NFAT5: variants seen among roughly 807,000 people sequenced by gnomAD.
NFAT5 encodes the protein nuclear factor of activated T cells 5, also known as nuclear factor of activated T-cells 5.
NFAT5 carries 31 observed loss-of-function variants against 166.5 expected under a neutral mutation model. The ratio of observed to expected loss-of-function variants is 0.19; its 90% CI spans 0.14 to 0.25. The LOEUF is 0.25. Ranked by LOEUF, NFAT5 falls within the 10% of genes least tolerant of loss-of-function variation. NFAT5 has a pLI of 1.00. For synonymous variants in NFAT5, 612 were observed against 639.7 expected, an observed-to-expected ratio of 0.96 and a Z score of 0.65; for missense variants, 1,449 against 1,821.8, an observed-to-expected ratio of 0.80 and a Z score of 3.72.
chr16:69,605,786 T>G (rs1015021908), intron 2 of NFAT5, among the ~76,000 whole-genome samples: 1 of 152,058 alleles, frequency 6.6e-6, no homozygotes, highest in African/African-American at 2.4e-5. Context: ...CAATCTCGGC[T>G]CACTGCAAGC....
intron 5 of NFAT5, among the ~76,000 whole-genome samples, chr16:69,655,269 A>T (rs1405902142): frequency 6.6e-6 from 1 of 152,230 alleles, no homozygotes; most frequent in East Asian, 1.9e-4. Context: ...GAGTTTTCCC[A>T]TTAGTTATGG....
intron 2 of NFAT5, among the ~76,000 whole-genome samples, chr16:69,595,163 T>G (rs1420675573): frequency 6.6e-6 from 1 of 152,206 alleles, no homozygotes; most frequent in Admixed American, 6.5e-5. Flanking sequence ...ACACTCAGTA[T>G]TAACCATCAC....
intron 2 of NFAT5, among the ~76,000 whole-genome samples, chr16:69,603,464 A>G (rs1190224324): frequency 1.3e-5 from 2 of 152,170 alleles, no homozygotes; most frequent in African/African-American, 2.4e-5. Context: ...TGGAGTTAAA[A>G]TAGAACATAT....
intron 10 of NFAT5, among the ~76,000 whole-genome samples, chr16:69,683,016 A>G (rs772886400): frequency 2.6e-5 from 4 of 152,162 alleles, no homozygotes; most frequent in Non-Finnish European, 4.4e-5. Flanking sequence ...GTTAGAGACC[A>G]GCCTGACCAA....
chr16:69,587,111 C>G (rs2032118456), intron 2 of NFAT5, among the ~76,000 whole-genome samples: 2 of 151,994 alleles, frequency 1.3e-5, no homozygotes, highest in South Asian at 4.1e-4. Context: ...GAGACAAAGT[C>G]TCGCTCTGTA....
At chr16:69,626,305 T>C in intron 2 of NFAT5, 98 bp from the exon 3 acceptor site, 1 of 1,108,194 alleles carries the variant, frequency 9.0e-7, no homozygotes, top group South Asian at 2.0e-5. Flanking sequence ...AATACAGTTC[T>C]CCTCATGAGA....
intron 3 of NFAT5, among the ~76,000 whole-genome samples, chr16:69,627,323 C>CATAT (rs10524659): frequency 1.5e-4 from 19 of 128,862 alleles, no homozygotes; most frequent in Non-Finnish European, 2.3e-4. Flanking sequence ...AAAAAGGAAA[C>CATAT]ATATATATAT....
chr16:69,644,856 G>A (rs1013415198), intron 3 of NFAT5: 2 of 454,452 alleles, frequency 4.4e-6, no homozygotes. Context: ...ATTTAAAAAG[G>A]GTGAGTGGGA....
intron 2 of NFAT5, among the ~76,000 whole-genome samples, chr16:69,624,221 T>C (rs1432808613): frequency 6.6e-6 from 1 of 152,224 alleles, no homozygotes; most frequent in Non-Finnish European, 1.5e-5. Context: ...TTTTTTGTTT[T>C]TGAGATGGAG....
At chr16:69,573,253 A>T (rs2016544991) in intron 2 of NFAT5, among the ~76,000 whole-genome samples, 1 of 152,188 alleles carries the variant, frequency 6.6e-6, no homozygotes, top group African/African-American at 2.4e-5. Flanking sequence ...TACTACTGCT[A>T]ATCTATTTGA....
intron 3 of NFAT5, 100 bp downstream of exon 3, chr16:69,626,628 T>C: frequency 9.3e-7 from 1 of 1,070,100 alleles, no homozygotes; most frequent in Non-Finnish European, 1.2e-6. Context: ...AGAGTGTGAT[T>C]TGAGGGTTTT....
intron 2 of NFAT5, among the ~76,000 whole-genome samples, chr16:69,577,564 C>T (rs746256982): frequency 6.6e-6 from 1 of 151,896 alleles, no homozygotes; most frequent in Non-Finnish European, 1.5e-5. Flanking sequence ...CTGTATAGAC[C>T]CATTTATGTG....
intron 3 of NFAT5, among the ~76,000 whole-genome samples, chr16:69,627,323 C>CATATAT (rs10524659): frequency 6.2e-5 from 8 of 128,866 alleles, no homozygotes; most frequent in Admixed American, 1.6e-4. Context: ...AAAAAGGAAA[C>CATATAT]ATATATATAT....
intron 2 of NFAT5, among the ~76,000 whole-genome samples, chr16:69,592,567 A>G (rs1221725908): frequency 6.6e-6 from 1 of 152,206 alleles, no homozygotes; most frequent in Non-Finnish European, 1.5e-5. Context: ...TGTGTGCTTT[A>G]CAGGGATTAA....
intron 7 of NFAT5, among the ~76,000 whole-genome samples, chr16:69,664,160 T>C (rs1040946801): frequency 1.3e-5 from 2 of 152,256 alleles, no homozygotes; most frequent in Non-Finnish European, 2.9e-5. Flanking sequence ...GGCTTTATAC[T>C]CTAAAATATT....
Position 69,699,772 on chromosome 16 carries a change from C to A in NFAT5, c.*3421C>A, listed in dbSNP as rs2037863903. 6.6e-6 allele frequency: 1 copy of A among 152,196 alleles called. No homozygotes were observed. The highest frequency in any genetic ancestry group is 1.5e-5 in the Non-Finnish European group (1 of 67,996). 9.4% of individuals were successfully genotyped at this position (152,196 alleles called of 1,614,324 possible). On this transcript the variant is annotated 3_prime_UTR_variant, in exon 15 of 15. Transcript: ENST00000349945. The stretch of plus-strand genomic sequence containing the variant: ...CTTTATATTGTTACATTTAAGTGTT[C>A]TTGCTTTCAGCAACTCACATTAATG...
At chr16:69,616,919 A>G (rs1597406049) in intron 2 of NFAT5, among the ~76,000 whole-genome samples, 1 of 128,600 alleles carries the variant, frequency 7.8e-6, no homozygotes, top group South Asian at 2.5e-4. Context: ...TTCCTCTTGG[A>G]CTCCATCTGA....
intron 4 of NFAT5, chr16:69,648,087 A>T: frequency 3.5e-6 from 1 of 283,192 alleles, no homozygotes; most frequent in Non-Finnish European, 5.3e-6. Flanking sequence ...GAGGCAGGGG[A>T]ATCGCTTGAA....
At chr16:69,684,308 C>T (rs1042232329) in intron 10 of NFAT5, among the ~76,000 whole-genome samples, 4 of 149,858 alleles carry the variant, frequency 2.7e-5, no homozygotes, top group African/African-American at 7.4e-5. Flanking sequence ...CACCTGTAAT[C>T]CCAGCAATTT....
Sources: gnomAD v4.1 joint callset for allele counts (sites outside exome capture counted in the v4.1 genomes callset) on GRCh38, gnomAD v4.1.1 for gene constraint, MANE v1.5 for transcripts, NCBI Gene and HGNC (gene_info 2026-07-23, HGNC 2026-07-21) for gene names.